The following IGSF3 variants were observed in gnomAD, a reference collection of about 807,000 sequenced individuals.
IGSF3 encodes glu-Trp-Ile EWI motif-containing protein 3.
IGSF3 carries 23 observed loss-of-function variants against 114.4 expected under a neutral mutation model. The observed-to-expected ratio is 0.20, with a 90% CI of 0.14 to 0.28. The LOEUF (loss-of-function observed/expected upper bound fraction) is 0.28, where lower values mean the gene tolerates loss of function less well. IGSF3 is among the 10% of genes least tolerant of loss of function. IGSF3 has a pLI of 1.00. For synonymous variants in IGSF3, 571 were observed against 645.2 expected, an observed-to-expected ratio of 0.88 and a Z score of 1.74; for missense variants, 1,172 against 1,591.5, an observed-to-expected ratio of 0.74 and a Z score of 4.48.
At position 116,624,045 on chromosome 1, in the gene IGSF3, T is replaced by TCTCGGCTGTGCAACAGAG. The variant is rs1553216854; in HGVS notation, c.44-7589_44-7588insCTCTGTTGCACAGCCGAG. Among the ~76,000 whole-genome samples, 1 of 150,556 alleles carries TCTCGGCTGTGCAACAGAG rather than the reference T, an allele frequency of 6.6e-6. No homozygotes were observed. On this transcript the variant is annotated intron_variant, in intron 2 of 10. Coordinates refer to ENST00000369486, the MANE Select transcript of IGSF3 (RefSeq NM_001007237.3). The surrounding 1 kb of genome is among the most constrained non-coding windows in gnomAD (Gnocchi z 4.9). ...GAGGTTGCAGTGAGCCGAGATCATG[T>TCTCGGCTGTGCAACAGAG]CATTGCACTGTGGGCTGGGCAACAG...
chr1:116,582,187 G>C lies in IGSF3; in HGVS notation c.2849-2310C>G, dbSNP rs1239881621. ...CCCACAATCTCTCTCCCCTTAACATGTTTCTCTACCAATTTAGTTCCCTGA... is the reference window on the plus strand; with the variant it reads ...CCCACAATCTCTCTCCCCTTAACATCTTTCTCTACCAATTTAGTTCCCTGA... On this transcript the variant is annotated intron_variant, in intron 9 of 10. Coordinates refer to ENST00000369486, the MANE Select transcript of IGSF3 (RefSeq NM_001007237.3). The surrounding 1 kb of genome is among the most constrained non-coding windows in gnomAD (Gnocchi z 4.7). Among the ~76,000 whole-genome samples the C allele has an allele frequency of 2.6e-5, 4 of 152,070 alleles. No individual in the cohort carries two copies. The highest frequency in any genetic ancestry group is 9.7e-5 in the African/African-American group (4 of 41,400).
chr1:116,666,672 C>G lies in IGSF3; in HGVS notation c.-346G>C, dbSNP rs1029616453. ...CACGGAAAAAAGGGTCTGAGAAAAT[C>G]CTTTCATCCACTGATTATACAGAAA... is the stretch of plus-strand genomic sequence containing the variant. On this transcript the variant is annotated 5_prime_UTR_variant, in exon 2 of 11. Transcript: ENST00000369486. The G allele has an allele frequency of 7.2e-6, 4 of 555,346 alleles. No homozygotes were observed. The highest frequency in any genetic ancestry group is 3.8e-5 in the African/African-American group (2 of 52,910). 34.4% of individuals were successfully genotyped at this position (555,346 alleles called of 1,614,324 possible). A position where few individuals can be genotyped will look rare whatever the true frequency, so the allele number is the denominator to read the frequency against.
rs1649285295 is a variant in IGSF3, at chr1:116,665,332, A to C, written c.43+952T>G. ...GTGAACCCTGTAGGCAACAATCATA[A>C]TCCCTTCTGAATGCAGAGGACCGAG... On this transcript the variant is annotated intron_variant, in intron 2 of 10. Coordinates refer to ENST00000369486, the MANE Select transcript of IGSF3 (RefSeq NM_001007237.3). The surrounding 1 kb of genome is among the most constrained non-coding windows in gnomAD (Gnocchi z 4.0). Among the ~76,000 whole-genome samples the C allele has an allele frequency of 6.6e-6, 1 of 152,184 alleles. No homozygotes were observed. Among genetic ancestry groups the C allele is most frequent in the South Asian group, 2.1e-4 (1 of 4,824 alleles).
rs534187652 is a variant in IGSF3 at position 116,609,371 on chromosome 1, G to A, written c.833-1040C>T. Among the ~76,000 whole-genome samples the A allele has an allele frequency of 5.3e-5, 8 of 152,052 alleles. 1 individual carries two copies. Among genetic ancestry groups the A allele is most frequent in the South Asian group, 4.2e-4 (2 of 4,818 alleles). On this transcript the variant is annotated intron_variant, in intron 4 of 10. Transcript: ENST00000369486. ...CAGCCATCCTCCCACCTCAGCCTCCGGAGTAGCCACCATATCCAGCTAATT... is the reference window on the plus strand; with the variant it reads ...CAGCCATCCTCCCACCTCAGCCTCCAGAGTAGCCACCATATCCAGCTAATT...
At chr1:116,658,296 T>C (rs1648956601) in intron 2 of IGSF3, among the ~76,000 whole-genome samples, 1 of 152,148 alleles carries the variant, frequency 6.6e-6, no homozygotes, top group Non-Finnish European at 1.5e-5. Flanking sequence ...CGCCTCGGCC[T>C]CCCAAAGTGC....
Position 116,607,889 on chromosome 1 carries a change from T to C in IGSF3, c.1222+53A>G, listed in dbSNP as rs972255981. 17 of 1,567,348 alleles carry C rather than the reference T, an allele frequency of 1.1e-5. No individual in the cohort carries two copies. The highest frequency in any genetic ancestry group is 1.5e-5 in the Non-Finnish European group (17 of 1,146,088). ...ACGCTATTCTCTCTCCCCCTACCTC[T>C]CCTAAATGATGCTGAGCCAAAGGAG... On this transcript the variant is annotated intron_variant, in intron 5 of 10. Coordinates refer to ENST00000369486, the MANE Select transcript of IGSF3 (RefSeq NM_001007237.3). This position sits in a 1 kb window ranked among gnomAD's most constrained non-coding sequence, Gnocchi z 6.1.
intron 2 of IGSF3, among the ~76,000 whole-genome samples, chr1:116,656,864 G>A (rs1273463726): frequency 6.6e-6 from 1 of 152,054 alleles, no homozygotes; most frequent in Non-Finnish European, 1.5e-5. Context: ...GGAGGCGGAG[G>A]TTGCAGTGAG....
At chr1:116,608,487 G>C (rs1490860563) in intron 4 of IGSF3, among the ~76,000 whole-genome samples, 156 bp from the exon 5 acceptor site, 1 of 152,136 alleles carries the variant, frequency 6.6e-6, no homozygotes, top group Non-Finnish European at 1.5e-5. Flanking sequence ...ATCCAACTCA[G>C]ACCCAGGTTA....
rs1332796003 is a variant in IGSF3, at chr1:116,615,770, T to C, written c.421+310A>G. ...GATGTCATACGTCTCATCTTCCTTGTCATTCAGATCATCAACCACAAACAT... is the reference window on the plus strand; with the variant it reads ...GATGTCATACGTCTCATCTTCCTTGCCATTCAGATCATCAACCACAAACAT... On this transcript the variant is annotated intron_variant, in intron 3 of 10. Transcript: ENST00000369486. The surrounding 1 kb of genome is among the most constrained non-coding windows in gnomAD (Gnocchi z 4.3). 6.6e-6 allele frequency among the ~76,000 whole-genome samples: 1 copy of C among 152,222 alleles called. No individual in the cohort carries two copies. The highest frequency in any genetic ancestry group is 2.4e-5 in the African/African-American group (1 of 41,466).
rs1352851348 is a variant in IGSF3 at position 116,664,851 on chromosome 1, A to T, written c.43+1433T>A. ...AACTCACCCACTGGTTCTCTACTGA[A>T]CCATGCATGGAATTACCTGAGATAG... On this transcript the variant is annotated intron_variant, in intron 2 of 10. Transcript: ENST00000369486. This position sits in a 1 kb window ranked among gnomAD's most constrained non-coding sequence, Gnocchi z 4.6. 2.0e-5 allele frequency among the ~76,000 whole-genome samples: 3 copies of T among 152,108 alleles called. No individual in the cohort carries two copies. Among genetic ancestry groups the T allele is most frequent in the Non-Finnish European group, 4.4e-5 (3 of 68,020 alleles).
rs993293365 is a variant in IGSF3, at chr1:116,627,390, T to C, written c.44-10933A>G. 2.0e-5 allele frequency among the ~76,000 whole-genome samples: 3 copies of C among 152,118 alleles called. No homozygotes were observed. Among genetic ancestry groups the C allele is most frequent in the African/African-American group, 7.2e-5 (3 of 41,406 alleles). ...CCAGATTTTCAGTCTGGGAGAAAGG[T>C]GTCTGCTGGATTTCAAACAGTCCCT... On this transcript the variant is annotated intron_variant, in intron 2 of 10. Coordinates refer to ENST00000369486, the MANE Select transcript of IGSF3 (RefSeq NM_001007237.3). This position sits in a 1 kb window ranked among gnomAD's most constrained non-coding sequence, Gnocchi z 4.7.
rs1324180949 is a variant in IGSF3 at position 116,584,161 on chromosome 1, A to G, written c.2848+484T>C. On this transcript the variant is annotated intron_variant, in intron 9 of 10. Transcript: ENST00000369486. This position sits in a 1 kb window ranked among gnomAD's most constrained non-coding sequence, Gnocchi z 5.8. The stretch of plus-strand genomic sequence containing the variant: ...CCGAGATCGCACCACTGCACTCTGC[A>G]CTCCAGCCTGGGTGACAGAGTGAGA... Among the ~76,000 whole-genome samples, 1 of 150,966 alleles carries G rather than the reference A, an allele frequency of 6.6e-6. No homozygotes were observed. The highest frequency in any genetic ancestry group is 1.5e-5 in the Non-Finnish European group (1 of 67,912).
chr1:116,577,565 G>A lies in IGSF3; in HGVS notation c.3335-3C>T. On this transcript the variant is annotated splice_region_variant and splice_polypyrimidine_tract_variant and intron_variant, in intron 10 of 10. Coordinates refer to ENST00000369486, the MANE Select transcript of IGSF3 (RefSeq NM_001007237.3). The surrounding 1 kb of genome is among the most constrained non-coding windows in gnomAD (Gnocchi z 5.7). ...GATGATGGACTGGAGGGTGGGACCTGAAAAGAATCATGAGAGAGACAAGAC... is the reference window on the plus strand; with the variant it reads ...GATGATGGACTGGAGGGTGGGACCTAAAAAGAATCATGAGAGAGACAAGAC... 1 of 1,613,478 alleles carries A rather than the reference G, an allele frequency of 6.2e-7. No homozygotes were observed. The highest frequency in any genetic ancestry group is 8.5e-7 in the Non-Finnish European group (1 of 1,179,728).
chr1:116,617,601 A>AC (rs1355452047), intron 2 of IGSF3, among the ~76,000 whole-genome samples: 2 of 152,162 alleles, frequency 1.3e-5, no homozygotes, highest in Admixed American at 1.3e-4. Context: ...TCACTTATTA[A>AC]CTGTGATCTT....
At chr1:116,599,262 G>A (rs1039006475) in intron 7 of IGSF3, among the ~76,000 whole-genome samples, 1 of 152,160 alleles carries the variant, frequency 6.6e-6, no homozygotes, top group East Asian at 1.9e-4. Context: ...ATGAACAGGA[G>A]ACAATGATAT....
In IGSF3 at chr1:116,585,684, C is replaced by T. The variant is rs975696451; in HGVS notation, c.2441-632G>A. 9.9e-5 allele frequency among the ~76,000 whole-genome samples: 15 copies of T among 151,940 alleles called. No homozygotes were observed. Among genetic ancestry groups the T allele is most frequent in the Admixed American group, 2.0e-4 (3 of 15,252 alleles). On this transcript the variant is annotated intron_variant, in intron 8 of 10. Transcript: ENST00000369486. The surrounding 1 kb of genome is among the most constrained non-coding windows in gnomAD (Gnocchi z 4.9). ...CGCCTGTAATCCCAGCACTTTGGGA[C>T]GCCGAGGTGGGTGGATCGCTTGAGG...
Position 116,588,251 on chromosome 1 carries a change from C to T in IGSF3, c.2440+443G>A, listed in dbSNP as rs562306999. Among the ~76,000 whole-genome samples, 32 of 152,156 alleles carry T rather than the reference C, an allele frequency of 2.1e-4. No homozygotes were observed. The highest frequency in any genetic ancestry group is 3.1e-4 in the Non-Finnish European group (21 of 67,988). ...TGGAGATAGGAAAGGCTTGTCTGGG[C>T]GGGCTGGGAGCTAAGGAAGAAGGGG... On this transcript the variant is annotated intron_variant, in intron 8 of 10. Coordinates refer to ENST00000369486, the MANE Select transcript of IGSF3 (RefSeq NM_001007237.3). This position sits in a 1 kb window ranked among gnomAD's most constrained non-coding sequence, Gnocchi z 4.9.
At position 116,579,685 on chromosome 1, in the gene IGSF3, T is replaced by C. The variant is rs919608287; in HGVS notation, c.3041A>G (p.Glu1014Gly). 2 of 1,546,728 alleles carry C rather than the reference T, an allele frequency of 1.3e-6. No homozygotes were observed. Among genetic ancestry groups the C allele is most frequent in the Admixed American group, 1.7e-5 (1 of 57,806 alleles). Reference protein sequence around the residue: ...PGLEEQEEEREEEEEEDDDDD... With the variant: ...PGLEEQEEERGEEEEEDDDDD... ...GTCGTCGTCCTCCTCCTCCTCCTCC[T>C]CCCTTTCCTCTTCCTGTTCTTCCAG... is the stretch of plus-strand genomic sequence containing the variant. Residue 1014 changes from glutamate to glycine, a missense_variant, in exon 10 of 11, where the codon GAG becomes GGG. By Grantham distance (98) the Glu-to-Gly change is moderately conservative (BLOSUM62 -2). Transcript: ENST00000369486. The surrounding 1 kb of genome is among the most constrained non-coding windows in gnomAD (Gnocchi z 6.4).
rs1046466081 is a variant in IGSF3, at chr1:116,576,313, CTTTT to C, written c.*995_*998del. ...CACTTCCAAGTTCACTGGACACTTT[CTTTT>C]AAGAGTTTGGCAAAGCACCTGAAGA... is the stretch of plus-strand genomic sequence containing the variant. On this transcript the variant is annotated 3_prime_UTR_variant, in exon 11 of 11. Coordinates refer to ENST00000369486, the MANE Select transcript of IGSF3 (RefSeq NM_001007237.3). This position sits in a 1 kb window ranked among gnomAD's most constrained non-coding sequence, Gnocchi z 4.6. 1 of 152,658 alleles carries C rather than the reference CTTTT, an allele frequency of 6.6e-6. No individual in the cohort carries two copies. The highest frequency in any genetic ancestry group is 2.4e-5 in the African/African-American group (1 of 41,400). 9.5% of individuals were successfully genotyped at this position (152,658 alleles called of 1,614,324 possible). A position where few individuals can be genotyped will look rare whatever the true frequency, so the allele number is the denominator to read the frequency against.
Sources: allele counts gnomAD v4.1 joint callset (sites outside exome capture counted in the v4.1 genomes callset), GRCh38; gene constraint gnomAD v4.1.1; non-coding constraint Gnocchi (gnomAD v3.1); transcripts MANE v1.5; gene names NCBI Gene and HGNC (gene_info 2026-07-23, HGNC 2026-07-21).